HPSE2: variants seen among roughly 807,000 people sequenced by gnomAD.
The protein encoded by HPSE2 is heparanase 2 (inactive), also known as inactive heparanase-2.
In HPSE2, 38 loss-of-function variants were observed where a neutral mutation model predicts 60.5. The ratio of observed to expected loss-of-function variants is 0.63; its 90% CI spans 0.48 to 0.82. HPSE2 has a LOEUF of 0.82. Ranked by LOEUF, HPSE2 falls within the 40% of genes least tolerant of loss-of-function variation. The pLI, the probability that HPSE2 is intolerant of heterozygous loss-of-function variation, is 0.00. For missense variants in HPSE2, 713 were observed against 740.4 expected (o/e 0.96, Z 0.43); for synonymous variants, 295 against 293.2 (o/e 1.01, Z -0.06).
rs189317957 is a variant in HPSE2, at chr10:98,683,883, G to A, written c.1004+10017C>T. On this transcript the variant is annotated intron_variant, in intron 6 of 11. Coordinates refer to ENST00000370552, the MANE Select transcript of HPSE2 (RefSeq NM_021828.5). ...CCAAATAAAAGATCACTAGGAACAG[G>A]GAGAAGATCTTAAAAGTATCAAGAC... Among the ~76,000 whole-genome samples, 28 of 152,088 alleles carry A rather than the reference G, an allele frequency of 1.8e-4. No homozygotes were observed. In the East Asian group the frequency reaches 2.5e-3, roughly 14 times the overall value.
At chr10:98,626,132 A>AAAAAAGC (rs1029766739) in intron 7 of HPSE2, among the ~76,000 whole-genome samples, 2 of 151,688 alleles carry the variant, frequency 1.3e-5, no homozygotes, top group African/African-American at 4.8e-5. Flanking sequence ...AAGAAAAAAG[A>AAAAAAGC]AAAAAGATGA....
At chr10:98,942,981 A>G (rs930709759) in intron 3 of HPSE2, among the ~76,000 whole-genome samples, 42 of 150,742 alleles carry the variant, frequency 2.8e-4, no homozygotes, top group African/African-American at 9.5e-4. Flanking sequence ...TATCGCAAGG[A>G]CAAAAAACCA....
chr10:99,029,874 G>A (rs925835827), intron 3 of HPSE2, among the ~76,000 whole-genome samples: 4 of 152,174 alleles, frequency 2.6e-5, no homozygotes, highest in African/African-American at 7.2e-5. Context: ...CGGGGGAAAA[G>A]GAGACTCCCT....
At chr10:99,090,636 G>C (rs1843480092) in intron 3 of HPSE2, among the ~76,000 whole-genome samples, 1 of 151,992 alleles carries the variant, frequency 6.6e-6, no homozygotes, top group African/African-American at 2.4e-5. Context: ...TTTTGACACA[G>C]TAATCAAATA....
At chr10:98,898,896 G>C (rs71486183) in intron 3 of HPSE2, among the ~76,000 whole-genome samples, 7,477 of 152,266 alleles carry the variant, frequency 0.049, 254 homozygotes, top group Non-Finnish European at 0.074. Flanking sequence ...AGTGGAGAAA[G>C]AATAGTTTGC....
At chr10:98,642,396 A>G (rs1272680453) in intron 6 of HPSE2, among the ~76,000 whole-genome samples, 1 of 152,210 alleles carries the variant, frequency 6.6e-6, no homozygotes, top group Admixed American at 6.5e-5. Flanking sequence ...AATAAACACG[A>G]AAGCAAAAAT....
At chr10:99,196,141 A>G (rs1165067562) in intron 2 of HPSE2, among the ~76,000 whole-genome samples, 1 of 152,186 alleles carries the variant, frequency 6.6e-6, no homozygotes, top group Non-Finnish European at 1.5e-5. Context: ...TGCTGGGAAA[A>G]CTGCATATCC....
At chr10:99,140,740 C>A (rs939897838) in intron 3 of HPSE2, among the ~76,000 whole-genome samples, 1 of 152,100 alleles carries the variant, frequency 6.6e-6, no homozygotes, top group Non-Finnish European at 1.5e-5. Flanking sequence ...AATATTATAC[C>A]TAAAAAGTAG....
At chr10:99,133,728 C>T (rs1845536308) in intron 3 of HPSE2, among the ~76,000 whole-genome samples, 1 of 152,162 alleles carries the variant, frequency 6.6e-6, no homozygotes, top group Admixed American at 6.5e-5. Context: ...TCACCAACAT[C>T]AAAGACCAAA....
intron 3 of HPSE2, among the ~76,000 whole-genome samples, chr10:99,110,000 T>C (rs1844397439): frequency 6.6e-6 from 1 of 152,166 alleles, no homozygotes; most frequent in African/African-American, 2.4e-5. Context: ...CAGACCAACT[T>C]GTTCTCCAGA....
chr10:98,600,254 T>TATACTACATGC (rs1945359487), intron 9 of HPSE2, among the ~76,000 whole-genome samples: 1 of 152,206 alleles, frequency 6.6e-6, no homozygotes, highest in Non-Finnish European at 1.5e-5. Flanking sequence ...TAACACCATA[T>TATACTACATGC]ATACTACATG....
At chr10:99,286,790 C>A in the HPSE2 span, among the ~76,000 whole-genome samples, 1 of 151,952 alleles carries the variant, frequency 6.6e-6, no homozygotes, top group African/African-American at 2.4e-5. Context: ...ATGTTGATAC[C>A]AACCAGTATT....
chr10:98,512,911 C>G (rs1942466374), intron 9 of HPSE2, among the ~76,000 whole-genome samples: 1 of 151,896 alleles, frequency 6.6e-6, no homozygotes, highest in Non-Finnish European at 1.5e-5. Flanking sequence ...CCTTCTTGGA[C>G]CACCCACATC....
intron 2 of HPSE2, among the ~76,000 whole-genome samples, chr10:99,213,397 A>G (rs745571767): frequency 5.3e-5 from 8 of 152,142 alleles, no homozygotes; most frequent in Non-Finnish European, 1.2e-4. Context: ...ACCTCTGGCC[A>G]TAGGTTCCAT....
At chr10:98,862,142 G>A (rs149415668) in intron 3 of HPSE2, among the ~76,000 whole-genome samples, 1,704 of 152,248 alleles carry the variant, frequency 0.011, 25 homozygotes, top group African/African-American at 0.038. Flanking sequence ...CTCATTGTGC[G>A]GAGATAGGTT....
intron 3 of HPSE2, among the ~76,000 whole-genome samples, chr10:99,105,764 T>C (rs1005302148): frequency 7.9e-5 from 12 of 152,110 alleles, no homozygotes; most frequent in African/African-American, 2.9e-4. Flanking sequence ...ACCTGGTACA[T>C]TATGTCTATG....
At chr10:98,940,788 A>G (rs1322238666) in intron 3 of HPSE2, among the ~76,000 whole-genome samples, 1 of 142,266 alleles carries the variant, frequency 7.0e-6, no homozygotes, top group Non-Finnish European at 1.5e-5. Context: ...CAAAAAAGAG[A>G]ATTTTAAACC....
chr10:98,883,023 A>G lies in HPSE2; in HGVS notation c.611-138967T>C, dbSNP rs1400323056. Among the ~76,000 whole-genome samples, 4 of 152,086 alleles carry G rather than the reference A, an allele frequency of 2.6e-5. No homozygotes were observed. In the South Asian group the frequency reaches 6.2e-4, roughly 24 times the overall value. The stretch of plus-strand genomic sequence containing the variant: ...TCCGCCCAAACATGTCCTGTGATCA[A>G]TGTTTAAAGCAATAAGAGCAGTTTT... On this transcript the variant is annotated intron_variant, in intron 3 of 11. Coordinates refer to ENST00000370552, the MANE Select transcript of HPSE2 (RefSeq NM_021828.5).
At chr10:99,129,476 A>G (rs1222185398) in intron 3 of HPSE2, among the ~76,000 whole-genome samples, 1 of 152,152 alleles carries the variant, frequency 6.6e-6, no homozygotes, top group Non-Finnish European at 1.5e-5. Context: ...TAACTCCAAA[A>G]GAAACCCTCA....
Sources: allele counts gnomAD v4.1 joint callset (sites outside exome capture counted in the v4.1 genomes callset), GRCh38; gene constraint gnomAD v4.1.1; transcripts MANE v1.5; gene names NCBI Gene and HGNC (gene_info 2026-07-23, HGNC 2026-07-21).